MTMR3: variants seen among roughly 807,000 people sequenced by gnomAD.
MTMR3 encodes the protein myotubularin related protein 3, also known as phosphatidylinositol-3,5-bisphosphate 3-phosphatase MTMR3.
In MTMR3, 32 loss-of-function variants were observed where a neutral mutation model predicts 132.4. The observed-to-expected ratio is 0.24, with a 90% CI of 0.18 to 0.32. The LOEUF (loss-of-function observed/expected upper bound fraction) is 0.32. MTMR3 is among the 10% of genes least tolerant of loss of function. MTMR3 has a pLI of 1.00. For missense variants in MTMR3, 1,216 were observed against 1,489.6 expected (o/e 0.82, Z 3.02); for synonymous variants, 556 against 550.3 (o/e 1.01, Z -0.14).
In MTMR3 at chr22:30,020,855, C is replaced by A. The variant is rs770329553; in HGVS notation, c.3196C>A (p.His1066Asn). Residue 1066 changes from histidine (H) to asparagine (N), a missense_variant, in exon 17 of 20, where the codon CAC becomes AAC. Coordinates refer to ENST00000401950, the MANE Select transcript of MTMR3 (RefSeq NM_021090.4). ...GAGCCAGTACCTGACCAGCTCCCTA[C>A]ACTTTAATGGAGACTTTGGGGATGA... Reference protein sequence around the residue: ...LESQYLTSSLHFNGDFGDEVT... With the variant: ...LESQYLTSSLNFNGDFGDEVT... 72 of 1,600,786 alleles carry A rather than the reference C, an allele frequency of 4.5e-5. 1 individual carries two copies. Among genetic ancestry groups the A allele is most frequent in the Non-Finnish European group, 6.1e-5 (72 of 1,172,954 alleles).
chr22:29,903,343 T>C (rs1034599469), intron 1 of MTMR3, among the ~76,000 whole-genome samples: 1 of 152,114 alleles, frequency 6.6e-6, no homozygotes, highest in African/African-American at 2.4e-5. Flanking sequence ...TGGTTTGACG[T>C]TTCAGAGAAT....
chr22:29,978,329 G>T, intron 3 of MTMR3, 113 bp from the exon 4 acceptor site: 4 of 715,068 alleles, frequency 5.6e-6, no homozygotes, highest in Non-Finnish European at 9.3e-6. Context: ...TTTTCTGCCT[G>T]TTCACCTTGG....
chr22:30,025,493 G>T, intron 19 of MTMR3, 137 bp from the exon 20 acceptor site: 2 of 851,928 alleles, frequency 2.3e-6, no homozygotes, highest in African/African-American at 1.7e-5. Context: ...TCCTGGGCTA[G>T]AGAGATGAAA....
At chr22:30,005,358 T>C (rs2067252998) in intron 9 of MTMR3, 1 of 152,204 alleles carries the variant, frequency 6.6e-6, no homozygotes, top group African/African-American at 2.4e-5. Context: ...CCAGTTGAAA[T>C]CTAATAGCTA....
intron 5 of MTMR3, chr22:29,983,030 G>A (rs1419983969): frequency 6.6e-6 from 1 of 151,532 alleles, no homozygotes. Flanking sequence ...TAAAATCCCT[G>A]TAAGTAGTAT....
chr22:29,954,144 T>C (rs11912935), intron 1 of MTMR3, among the ~76,000 whole-genome samples: 1 of 149,480 alleles, frequency 6.7e-6, no homozygotes, highest in African/African-American at 2.5e-5. Context: ...TACAGCATTG[T>C]AATCATAGCT....
intron 1 of MTMR3, among the ~76,000 whole-genome samples, chr22:29,898,367 A>G (rs933243701): frequency 1.3e-5 from 2 of 152,160 alleles, no homozygotes; most frequent in Admixed American, 1.3e-4. Context: ...GGTACAATTG[A>G]TCACATCACC....
chr22:30,017,271 A>G (rs1346681880), intron 15 of MTMR3: 1 of 153,916 alleles, frequency 6.5e-6, no homozygotes, highest in Non-Finnish European at 1.4e-5. Flanking sequence ...CCTATGTGTC[A>G]GTTTCATAGT....
Position 30,012,574 on chromosome 22 carries a change from C to T in MTMR3, c.1317+11C>T. On this transcript the variant is annotated intron_variant, in intron 13 of 19. Transcript: ENST00000401950. ...TACCGAACCATAGAGGTGAGCCCAT[C>T]CAAATGGGAGGGGTTGGTACTTCAG... 1.3e-6 allele frequency: 2 copies of T among 1,586,364 alleles called. No homozygotes were observed. Among genetic ancestry groups the T allele is most frequent in the Non-Finnish European group, 1.7e-6 (2 of 1,165,628 alleles).
intron 1 of MTMR3, among the ~76,000 whole-genome samples, chr22:29,938,803 T>C (rs1407225414): frequency 1.3e-5 from 2 of 152,052 alleles, no homozygotes; most frequent in Non-Finnish European, 2.9e-5. Context: ...TAGAAAACTA[T>C]ACATTTTCTT....
intron 2 of MTMR3, among the ~76,000 whole-genome samples, chr22:29,967,179 A>G (rs1173079368): frequency 8.1e-6 from 1 of 123,822 alleles, no homozygotes; most frequent in Non-Finnish European, 1.7e-5. Context: ...TTATATTGTT[A>G]CTCTTCACCT....
At chr22:29,894,062 C>G (rs2064847500) in intron 1 of MTMR3, among the ~76,000 whole-genome samples, 1 of 152,158 alleles carries the variant, frequency 6.6e-6, no homozygotes, top group South Asian at 2.1e-4. Context: ...CCAGGCTGGT[C>G]TTGAACTCCT....
intron 1 of MTMR3, among the ~76,000 whole-genome samples, chr22:29,937,078 G>T (rs775042735): frequency 2.6e-5 from 4 of 151,514 alleles, no homozygotes; most frequent in Non-Finnish European, 5.9e-5. Flanking sequence ...TCTTAATATT[G>T]GATTAAGCTT....
intron 3 of MTMR3, among the ~76,000 whole-genome samples, chr22:29,975,637 A>G (rs183400647): frequency 3.0e-4 from 45 of 152,354 alleles, no homozygotes; most frequent in African/African-American, 1.1e-3. Flanking sequence ...GTCTTGCTCT[A>G]TTGCCCAGGC....
chr22:29,902,584 G>T (rs1310243737), intron 1 of MTMR3, among the ~76,000 whole-genome samples: 1 of 151,944 alleles, frequency 6.6e-6, no homozygotes, highest in Non-Finnish European at 1.5e-5. Context: ...GGCCAGGCTG[G>T]TCTTGAACTC....
chr22:30,021,209 A>G, intron 17 of MTMR3: 1 of 333,190 alleles, frequency 3.0e-6, no homozygotes, highest in Admixed American at 4.4e-5. Flanking sequence ...GCAGAATGAC[A>G]TCTGTAGGGC....
intron 19 of MTMR3, chr22:30,024,712 C>A (rs2067864634): frequency 6.6e-6 from 1 of 152,194 alleles, no homozygotes; most frequent in Non-Finnish European, 1.5e-5. Flanking sequence ...TGTTCTTAGG[C>A]TCATTAGGAT....
At chr22:29,963,876 C>T (rs891285899) in intron 2 of MTMR3, among the ~76,000 whole-genome samples, 12 of 151,096 alleles carry the variant, frequency 7.9e-5, no homozygotes, top group South Asian at 2.1e-4. Flanking sequence ...AGTACTAATA[C>T]GTGCTTCAAA....
intron 1 of MTMR3, among the ~76,000 whole-genome samples, chr22:29,890,068 G>A (rs1353317556): frequency 2.6e-5 from 4 of 151,722 alleles, no homozygotes; most frequent in African/African-American, 7.2e-5. Flanking sequence ...CACCACGCCC[G>A]GCTAATTTTT....
Sources: allele counts gnomAD v4.1 joint callset (sites outside exome capture counted in the v4.1 genomes callset), GRCh38; gene constraint gnomAD v4.1.1; transcripts MANE v1.5; gene names NCBI Gene and HGNC (gene_info 2026-07-23, HGNC 2026-07-21).